ITGA5: variants seen among roughly 807,000 people sequenced by gnomAD.
ITGA5 encodes integrin alpha-5.
Under a neutral mutation model 146.3 loss-of-function variants are expected in ITGA5, and 55 were observed. The observed-to-expected ratio is 0.38, with a 90% confidence interval of 0.30 to 0.47. ITGA5 has a LOEUF of 0.47. Ranked by LOEUF, ITGA5 falls within the 20% of genes least tolerant of loss-of-function variation. The probability of loss-of-function intolerance (pLI) is 0.99; values close to 1 mark genes in which losing one functional copy is unlikely to be tolerated. For missense variants in ITGA5, 1,131 were observed against 1,329.0 expected, an observed-to-expected ratio of 0.85 and a Z score of 2.32; for synonymous variants, 500 against 531.8, an observed-to-expected ratio of 0.94 and a Z score of 0.82.
At chr12:54,402,910 G>T in intron 19 of ITGA5, 73 bp downstream of exon 19, 1 of 1,255,924 alleles carries the variant, frequency 8.0e-7, no homozygotes, top group Non-Finnish European at 1.2e-6. Context: ...GACACAGCTA[G>T]TATGTCCCTA....
At position 54,401,509 on chromosome 12, in the gene ITGA5, G is replaced by GTTT. The variant is rs1368712712; in HGVS notation, c.2388-32_2388-31insAAA. The GTTT allele has an allele frequency of 6.4e-7, 1 of 1,572,848 alleles. No individual in the cohort carries two copies. The highest frequency in any genetic ancestry group is 1.4e-5 in the African/African-American group (1 of 70,204). The stretch of plus-strand genomic sequence containing the variant: ...GAGGAGGGTGGTTTAGAGGAGGGTG[G>GTTT]AAGGAACCCCATATGCATCCTTCCC... On this transcript the variant is annotated intron_variant, in intron 23 of 29. Transcript: ENST00000293379. This position sits in a 1 kb window ranked among gnomAD's most constrained non-coding sequence, Gnocchi z 5.0.
chr12:54,405,682 G>A lies in ITGA5; in HGVS notation c.998C>T (p.Thr333Ile), dbSNP rs751015509. 2 of 1,613,826 alleles carry A rather than the reference G, an allele frequency of 1.2e-6. No individual in the cohort carries two copies. The highest frequency in any genetic ancestry group is 8.5e-7 in the Non-Finnish European group (1 of 1,179,838). The change falls in exon 11 of 30, where the codon ACA (threonine) becomes ATA (isoleucine). Residue 333 changes from threonine (T) to isoleucine (I), a missense_variant. By Grantham distance (89) the Thr-to-Ile change is moderately conservative (BLOSUM62 -1). Transcript: ENST00000293379. ...CACTCACCCGTCCCCATTGACGTCT[G>A]TGGCGGCCACTGCATAGCCAAAGTA... ...ASYFGYAVAA[T>I]DVNGDGLDDL...
chr12:54,402,168 G>C lies in ITGA5; in HGVS notation c.2133+12C>G. The C allele has an allele frequency of 6.2e-7, 1 of 1,613,298 alleles. No individual in the cohort carries two copies. The stretch of plus-strand genomic sequence containing the variant: ...GTATCCTCCCAAATCCCACTCGAGA[G>C]TCTCATCTCACCCCTGGGTGTCTGA... On this transcript the variant is annotated intron_variant, in intron 20 of 29. Coordinates refer to ENST00000293379, the MANE Select transcript of ITGA5 (RefSeq NM_002205.5).
Position 54,411,767 on chromosome 12 carries a change from C to T in ITGA5, c.349+67G>A. 4 of 1,370,976 alleles carry T rather than the reference C, an allele frequency of 2.9e-6. No homozygotes were observed. The South Asian group carries it at 6.7e-5, about 23-fold the overall frequency. 84.9% of individuals were successfully genotyped at this position (1,370,976 alleles called of 1,614,324 possible). ...CAGGCTCCACCCCTCGCCCCAGGCC[C>T]CACCCAGGCCTTGCCCCCAGGCTGC... On this transcript the variant is annotated intron_variant, in intron 2 of 29. Coordinates refer to ENST00000293379, the MANE Select transcript of ITGA5 (RefSeq NM_002205.5).
In ITGA5 at chr12:54,401,771, C is replaced by T; in HGVS notation, c.2306+5G>A. The stretch of plus-strand genomic sequence containing the variant: ...AGCCCCAGCCTAGACACACTCACTC[C>T]CTACCTGAGGATCTGGAAGTCAAAC... On this transcript the variant is annotated splice_donor_5th_base_variant and intron_variant, in intron 22 of 29. Coordinates refer to ENST00000293379, the MANE Select transcript of ITGA5 (RefSeq NM_002205.5). The surrounding 1 kb of genome is among the most constrained non-coding windows in gnomAD (Gnocchi z 5.0). The T allele has an allele frequency of 1.9e-6, 3 of 1,614,012 alleles. No homozygotes were observed. Among genetic ancestry groups the T allele is most frequent in the Non-Finnish European group, 2.5e-6 (3 of 1,179,880 alleles).
In ITGA5 at chr12:54,419,116, A is replaced by G. The variant is rs1293976872; in HGVS notation, c.83T>C (p.Leu28Pro). ...GPRRRPPLLP[L>P]LLLLLPPPPR... ...TGGCGGCGGCAGCAGCAGCAACAGC[A>G]GCGGCAGCAGCGGGGGTCGGCGCCG... Residue 28 changes from leucine to proline, a missense_variant, in exon 1 of 30, where the codon CTG becomes CCG. Around this residue, in one of 3 missense-constraint regions of ITGA5, gnomAD observed 175 missense variants for 179.3 expected, o/e 0.98. Coordinates refer to ENST00000293379, the MANE Select transcript of ITGA5 (RefSeq NM_002205.5). 6.3e-7 allele frequency: 1 copy of G among 1,590,694 alleles called. No individual in the cohort carries two copies.
At chr12:54,410,467 C>T (rs1565643768) in intron 2 of ITGA5, among the ~76,000 whole-genome samples, 1 of 151,686 alleles carries the variant, frequency 6.6e-6, no homozygotes, top group Non-Finnish European at 1.5e-5. Flanking sequence ...CACATCAGCC[C>T]CCCAAGTGGG....
intron 27 of ITGA5, 107 bp downstream of exon 27, chr12:54,399,538 G>C (rs1270518560): frequency 2.5e-6 from 2 of 785,584 alleles, no homozygotes; most frequent in Admixed American, 3.9e-5. Context: ...CTGGAGTGCT[G>C]GGTCCCATTC....
In ITGA5 at chr12:54,403,283, G is replaced by C; in HGVS notation, c.1818C>G (p.Ile606Met). 1 of 1,554,440 alleles carries C rather than the reference G, an allele frequency of 6.4e-7. No individual in the cohort carries two copies. Among genetic ancestry groups the C allele is most frequent in the Non-Finnish European group, 8.7e-7 (1 of 1,153,426 alleles). Reference sequence around the variant, plus strand: ...GGGGGTCCAAGGAGAAGTTGAGAGCGATGTGAATCGGCGAGAGTTTGTCTC... The same window carrying C: ...GGGGGTCCAAGGAGAAGTTGAGAGCCATGTGAATCGGCGAGAGTTTGTCTC... The part of the protein sequence containing the change: ...EFRDKLSPIH[I>M]ALNFSLDPQA... Residue 606 changes from isoleucine (I) to methionine (M), a missense_variant, in exon 18 of 30, where the codon ATC (isoleucine) becomes ATG (methionine). Transcript: ENST00000293379. This position sits in a 1 kb window ranked among gnomAD's most constrained non-coding sequence, Gnocchi z 4.9.
chr12:54,405,197 G>T lies in ITGA5; in HGVS notation c.1194C>A (p.Pro398=), dbSNP rs1955847246. The part of the protein sequence containing the change: ...EFGRFGSSLT[P]LGDLDQDGYN... ...AGCCATCCTGGTCCAGGTCCCCCAG[G>T]GGGGTCAAGGAGCTGCCAAATCGGC... Residue 398 remains proline, a synonymous_variant, in exon 12 of 30, where the codon CCC becomes CCA. Coordinates refer to ENST00000293379, the MANE Select transcript of ITGA5 (RefSeq NM_002205.5). 6.2e-7 allele frequency: 1 copy of T among 1,610,002 alleles called. No homozygotes were observed. The highest frequency in any genetic ancestry group is 8.5e-7 in the Non-Finnish European group (1 of 1,177,088).
rs1319472573 is a variant in ITGA5 at position 54,415,323 on chromosome 12, A to G, written c.219-3359T>C. On this transcript the variant is annotated intron_variant, in intron 1 of 29. Transcript: ENST00000293379. Reference sequence around the variant, plus strand: ...TTGGTCCTTGGAGACACAGACTACCACAGCTAGAAGGCACTGTAGAGAGCA... The same window carrying G: ...TTGGTCCTTGGAGACACAGACTACCGCAGCTAGAAGGCACTGTAGAGAGCA... Among the ~76,000 whole-genome samples the G allele has an allele frequency of 2.0e-5, 3 of 152,328 alleles. No individual in the cohort carries two copies. The East Asian group carries it at 5.8e-4, about 29-fold the overall frequency.
chr12:54,401,296 G>A lies in ITGA5; in HGVS notation c.2493+77C>T. ...CTCTCTTTCTCTCAGTCCCTCACAT[G>A]GGTTCCAGCCATCTGTCACTCATAT... is the stretch of plus-strand genomic sequence containing the variant. On this transcript the variant is annotated intron_variant, in intron 24 of 29. Coordinates refer to ENST00000293379, the MANE Select transcript of ITGA5 (RefSeq NM_002205.5). The surrounding 1 kb of genome is among the most constrained non-coding windows in gnomAD (Gnocchi z 5.0). The A allele has an allele frequency of 1.9e-6, 2 of 1,079,870 alleles. No individual in the cohort carries two copies. Among genetic ancestry groups the A allele is most frequent in the Non-Finnish European group, 2.9e-6 (2 of 697,058 alleles). The allele number at this position is 1,079,870 out of a possible 1,614,324, so 66.9% of individuals were successfully genotyped here.
chr12:54,409,363 C>T lies in ITGA5; in HGVS notation c.463-11G>A. 4 of 1,611,180 alleles carry T rather than the reference C, an allele frequency of 2.5e-6. No individual in the cohort carries two copies. Among genetic ancestry groups the T allele is most frequent in the Non-Finnish European group, 3.4e-6 (4 of 1,178,864 alleles). On this transcript the variant is annotated splice_polypyrimidine_tract_variant and intron_variant, in intron 3 of 29. Transcript: ENST00000293379. The surrounding 1 kb of genome is among the most constrained non-coding windows in gnomAD (Gnocchi z 4.7). The stretch of plus-strand genomic sequence containing the variant: ...CAGTGGAGCGCATGCCTGGGAGGGC[C>T]CAGGAGGAGGGGCCTTCAGATTCAG...
intron 28 of ITGA5, 56 bp downstream of exon 28, chr12:54,398,541 G>T (rs571123027): frequency 7.7e-7 from 1 of 1,302,354 alleles, no homozygotes; most frequent in African/African-American, 1.5e-5. Flanking sequence ...TCCCAGCCCT[G>T]TTCCAGCACT....
chr12:54,408,003 A>G (rs1955888000), intron 7 of ITGA5, 107 bp downstream of exon 7: 1 of 1,536,018 alleles, frequency 6.5e-7, no homozygotes, highest in Non-Finnish European at 8.9e-7. Context: ...CAAGTATGGC[A>G]GGGGTGCTGG....
chr12:54,397,546 TG>T, intron 28 of ITGA5, 59 bp from the exon 29 acceptor site: 1 of 1,600,492 alleles, frequency 6.2e-7, no homozygotes, highest in Non-Finnish European at 8.5e-7. Context: ...ACCCTATACT[TG>T]GCCCCCACTT....
Position 54,403,815 on chromosome 12 carries a change from C to T in ITGA5, c.1622-36G>A. ...GGACATATAAAGGGAAACTGCCTGT[C>T]TTTCCTCATCTTTTCAGAGAGAAGA... On this transcript the variant is annotated intron_variant, in intron 16 of 29. Coordinates refer to ENST00000293379, the MANE Select transcript of ITGA5 (RefSeq NM_002205.5). The surrounding 1 kb of genome is among the most constrained non-coding windows in gnomAD (Gnocchi z 4.9). 2 of 1,610,780 alleles carry T rather than the reference C, an allele frequency of 1.2e-6. No individual in the cohort carries two copies. Among genetic ancestry groups the T allele is most frequent in the South Asian group, 2.2e-5 (2 of 91,028 alleles).
chr12:54,397,226 G>A, intron 29 of ITGA5, 139 bp downstream of exon 29: 1 of 841,366 alleles, frequency 1.2e-6, no homozygotes, highest in Non-Finnish European at 1.9e-6. Flanking sequence ...GAAGGGTTAG[G>A]ATGGGATGCA....
At chr12:54,414,795 C>T (rs1024741647) in intron 1 of ITGA5, among the ~76,000 whole-genome samples, 6 of 149,792 alleles carry the variant, frequency 4.0e-5, no homozygotes, top group Admixed American at 6.6e-5. Context: ...TGCAGGGAGC[C>T]GAGATCACGC....
Sources: gnomAD v4.1 joint callset for allele counts (sites outside exome capture counted in the v4.1 genomes callset) on GRCh38, gnomAD v4.1.1 for gene constraint, gnomAD v4.1.1 regional missense constraint, Gnocchi (gnomAD v3.1) non-coding constraint, MANE v1.5 for transcripts, NCBI Gene and HGNC (gene_info 2026-07-23, HGNC 2026-07-21) for gene names.